SLC24A2: variants seen among roughly 807,000 people sequenced by gnomAD.
SLC24A2 encodes sodium/potassium/calcium exchanger 2.
In SLC24A2, 36 loss-of-function variants were observed where a neutral mutation model predicts 62.0. The observed-to-expected ratio is 0.58, with a 90% CI of 0.44 to 0.77. The LOEUF (loss-of-function observed/expected upper bound fraction) is 0.77, where lower values mean the gene tolerates loss of function less well. Ranked by LOEUF, SLC24A2 falls within the 30% of genes least tolerant of loss-of-function variation. The probability of loss-of-function intolerance (pLI) is 0.00; values close to 1 mark genes in which losing one functional copy is unlikely to be tolerated. For synonymous variants in SLC24A2, 358 were observed against 294.0 expected (o/e 1.22, Z -2.23); for missense variants, 846 against 817.9 (o/e 1.03, Z -0.42).
At chr9:19,560,122 G>A (rs765598995) in intron 7 of SLC24A2, among the ~76,000 whole-genome samples, 1 of 152,204 alleles carries the variant, frequency 6.6e-6, no homozygotes, top group Non-Finnish European at 1.5e-5. Flanking sequence ...CTCTAAGGCT[G>A]AGGATAAAGC....
At chr9:19,887,439 CAT>C in the SLC24A2 span, among the ~76,000 whole-genome samples, 1 of 152,032 alleles carries the variant, frequency 6.6e-6, no homozygotes, top group Non-Finnish European at 1.5e-5. Context: ...GGACAACAAA[CAT>C]ATGAAAAAAT....
chr9:20,030,552 G>A, the SLC24A2 span, among the ~76,000 whole-genome samples: 1 of 152,156 alleles, frequency 6.6e-6, no homozygotes, highest in African/African-American at 2.4e-5. Context: ...CACATTTCCT[G>A]TATGCCTATG....
intron 8 of SLC24A2, among the ~76,000 whole-genome samples, chr9:19,547,824 A>AAG (rs144102670): frequency 6.0e-5 from 9 of 150,888 alleles, no homozygotes; most frequent in African/African-American, 2.2e-4. Flanking sequence ...ACAGCAGAGC[A>AAG]AGAGAGAGAG....
the SLC24A2 span, among the ~76,000 whole-genome samples, chr9:20,230,541 A>G: frequency 6.6e-6 from 1 of 152,146 alleles, no homozygotes; most frequent in East Asian, 1.9e-4. Context: ...TCTTTTGAGT[A>G]GTGTCTGTTC....
intron 10 of SLC24A2, among the ~76,000 whole-genome samples, chr9:19,517,467 T>C (rs1832986855): frequency 6.6e-6 from 1 of 152,148 alleles, no homozygotes; most frequent in Non-Finnish European, 1.5e-5. Flanking sequence ...GGCAGTGAGT[T>C]TACTCATCTG....
the SLC24A2 span, among the ~76,000 whole-genome samples, chr9:19,911,848 T>C: frequency 6.6e-6 from 1 of 152,096 alleles, no homozygotes; most frequent in Non-Finnish European, 1.5e-5. Flanking sequence ...CTGGGTTCTC[T>C]TTCCATTTAC....
At chr9:19,842,655 A>C in the SLC24A2 span, among the ~76,000 whole-genome samples, 1 of 152,222 alleles carries the variant, frequency 6.6e-6, no homozygotes, top group South Asian at 2.1e-4. Flanking sequence ...CCCACCAATG[A>C]ACACAATGGT....
chr9:19,545,695 G>A (rs1834529518), intron 8 of SLC24A2, among the ~76,000 whole-genome samples: 1 of 151,504 alleles, frequency 6.6e-6, no homozygotes, highest in Admixed American at 6.6e-5. Context: ...CTGGAGTGCA[G>A]TGGTGCAATC....
the SLC24A2 span, among the ~76,000 whole-genome samples, chr9:20,298,868 A>C: frequency 6.6e-6 from 1 of 152,210 alleles, no homozygotes; most frequent in Admixed American, 6.5e-5. Flanking sequence ...CCTTCTCCTT[A>C]CTAGAGCCCA....
chr9:19,960,160 T>C, the SLC24A2 span, among the ~76,000 whole-genome samples: 2 of 152,060 alleles, frequency 1.3e-5, no homozygotes, highest in Non-Finnish European at 2.9e-5. Flanking sequence ...AAGTAAGAAA[T>C]GCATTTTATA....
the SLC24A2 span, among the ~76,000 whole-genome samples, chr9:20,139,211 G>A: frequency 2.6e-5 from 4 of 152,156 alleles, no homozygotes; most frequent in Admixed American, 1.3e-4. Flanking sequence ...AGGCCTCTGA[G>A]AACTGTCTAT....
rs548514793 is a variant in SLC24A2, at chr9:19,514,815, A to G, written c.*1338T>C. On this transcript the variant is annotated 3_prime_UTR_variant, in exon 11 of 11. Transcript: ENST00000341998. ...GTACCACTCGACCTGGCACTCAGAA[A>G]CCTTCCTGGGGTGCACTGAGTGTGC... is the stretch of plus-strand genomic sequence containing the variant. The G allele has an allele frequency of 6.6e-6, 1 of 152,206 alleles. No individual in the cohort carries two copies. The highest frequency in any genetic ancestry group is 1.9e-4 in the East Asian group (1 of 5,176). The allele number at this position is 152,206 out of a possible 1,614,324, so 9.4% of individuals were successfully genotyped here.
the SLC24A2 span, among the ~76,000 whole-genome samples, chr9:20,298,509 G>A: frequency 7.9e-5 from 12 of 152,274 alleles, no homozygotes; most frequent in East Asian, 5.8e-4. Flanking sequence ...GATTACAGGC[G>A]TGAGCCACCG....
the SLC24A2 span, chr9:19,957,666 A>G: frequency 1.3e-5 from 2 of 152,194 alleles, no homozygotes; most frequent in African/African-American, 4.8e-5. Flanking sequence ...CTTTATCCCC[A>G]TTTCTGAAAC....
the SLC24A2 span, among the ~76,000 whole-genome samples, chr9:20,147,532 C>T: frequency 6.6e-6 from 1 of 152,092 alleles, no homozygotes; most frequent in Non-Finnish European, 1.5e-5. Context: ...AAGAGCTATT[C>T]CTGAGTTTGG....
chr9:19,875,772 C>T, the SLC24A2 span, among the ~76,000 whole-genome samples: 1 of 152,294 alleles, frequency 6.6e-6, no homozygotes, highest in African/African-American at 2.4e-5. Flanking sequence ...GCCAATTCTT[C>T]TACGAATGTG....
the SLC24A2 span, among the ~76,000 whole-genome samples, chr9:19,879,667 A>G: frequency 6.6e-6 from 1 of 152,174 alleles, no homozygotes. Flanking sequence ...AGTAGGGGGC[A>G]CGCTGATTAG....
At chr9:20,011,600 G>T in the SLC24A2 span, among the ~76,000 whole-genome samples, 1 of 152,124 alleles carries the variant, frequency 6.6e-6, no homozygotes, top group Non-Finnish European at 1.5e-5. Flanking sequence ...TGTGTTACAG[G>T]AATTCCTGAA....
the SLC24A2 span, among the ~76,000 whole-genome samples, chr9:20,001,055 C>G: frequency 6.6e-6 from 1 of 152,176 alleles, no homozygotes; most frequent in Non-Finnish European, 1.5e-5. Context: ...ATGGGCCCAC[C>G]CTCACTTTAA....
Sources: gnomAD v4.1 joint callset for allele counts (sites outside exome capture counted in the v4.1 genomes callset) on GRCh38, gnomAD v4.1.1 for gene constraint, MANE v1.5 for transcripts, NCBI Gene and HGNC (gene_info 2026-07-23, HGNC 2026-07-21) for gene names.